The following SYTL2 variants were observed in gnomAD, a reference collection of about 807,000 sequenced individuals.
SYTL2 encodes synaptotagmin-like protein 2.
SYTL2 carries 165 observed loss-of-function variants against 198.7 expected under a neutral mutation model. The ratio of observed to expected loss-of-function variants is 0.83; its 90% CI spans 0.73 to 0.94. SYTL2 has a LOEUF of 0.94. Ranked by LOEUF, SYTL2 falls within the 40% of genes least tolerant of loss-of-function variation. SYTL2 has a pLI of 0.00. For missense variants in SYTL2, 2,835 were observed against 2,582.8 expected (o/e 1.10, Z -2.12); for synonymous variants, 966 against 917.7 (o/e 1.05, Z -0.95).
chr11:85,695,398 A>G, intron 19 of SYTL2, 58 bp from the exon 20 acceptor site: 2 of 1,422,716 alleles, frequency 1.4e-6, no homozygotes, highest in Non-Finnish European at 1.9e-6. Flanking sequence ...TAGGGGAAAG[A>G]GGGAAAGTTA....
the SYTL2 span, among the ~76,000 whole-genome samples, chr11:85,839,340 T>C: frequency 6.6e-6 from 1 of 152,196 alleles, no homozygotes; most frequent in Non-Finnish European, 1.5e-5. Context: ...ATTCACCCTT[T>C]CGTAACAGAT....
At chr11:85,758,968 G>A (rs919634297) in intron 1 of SYTL2, among the ~76,000 whole-genome samples, 1 of 152,132 alleles carries the variant, frequency 6.6e-6, no homozygotes, top group Non-Finnish European at 1.5e-5. Flanking sequence ...AAGCAGGCTG[G>A]GTGCAGTGGT....
In SYTL2 at chr11:85,726,250, T is replaced by C; in HGVS notation, c.3108A>G (p.Ala1036=). Residue 1036 remains alanine (A), a synonymous_variant, in exon 8 of 20, where the codon GCA becomes GCG. Coordinates refer to ENST00000359152, the MANE Select transcript of SYTL2 (RefSeq NM_206927.4). The stretch of plus-strand genomic sequence containing the variant: ...CTTTTTTTGGGCTTAGAAGCACCTC[T>C]GCTTCATGGGTATTTTTACCTGATA... ...IKLSGKNTHE[A]EVLLSPKKVM... 1 of 1,613,828 alleles carries C rather than the reference T, an allele frequency of 6.2e-7. No individual in the cohort carries two copies. Among genetic ancestry groups the C allele is most frequent in the Non-Finnish European group, 8.5e-7 (1 of 1,179,944 alleles).
At chr11:85,788,260 TTA>T (rs2092669351) in intron 1 of SYTL2, among the ~76,000 whole-genome samples, 1 of 152,202 alleles carries the variant, frequency 6.6e-6, no homozygotes, top group Non-Finnish European at 1.5e-5. Flanking sequence ...GTGACATTTT[TTA>T]TTAGTTACTA....
In SYTL2 at chr11:85,727,117, T is replaced by C; in HGVS notation, c.2241A>G (p.Leu747=). Residue 747 remains leucine, a synonymous_variant, in exon 8 of 20, where the codon TTA becomes TTG. Transcript: ENST00000359152. ...VGNTYILKAS[L]EPENIKSTPG... ...GTGTTGACTTAATATTCTCTGGCTC[T>C]AAGGAGGCTTTCAGGATATAGGTAT... 11 of 1,535,974 alleles carry C rather than the reference T, an allele frequency of 7.2e-6. No individual in the cohort carries two copies. Among genetic ancestry groups the C allele is most frequent in the Non-Finnish European group, 7.0e-6 (8 of 1,146,802 alleles).
the SYTL2 span, among the ~76,000 whole-genome samples, chr11:85,821,380 G>A: frequency 6.6e-6 from 1 of 152,070 alleles, no homozygotes; most frequent in Non-Finnish European, 1.5e-5. Flanking sequence ...GGTGAGACTT[G>A]AGCCACGTTA....
intron 1 of SYTL2, among the ~76,000 whole-genome samples, chr11:85,797,191 A>G (rs945387291): frequency 2.0e-5 from 3 of 152,236 alleles, no homozygotes; most frequent in East Asian, 1.9e-4. Context: ...CAAGCTATTC[A>G]GTTCTTCTGA....
the SYTL2 span, among the ~76,000 whole-genome samples, chr11:85,819,935 C>G: frequency 2.6e-5 from 4 of 152,200 alleles, no homozygotes; most frequent in Non-Finnish European, 2.9e-5. Flanking sequence ...TCTTATTCCT[C>G]TCTCTCAATG....
At chr11:85,824,809 G>A in the SYTL2 span, among the ~76,000 whole-genome samples, 2 of 152,196 alleles carry the variant, frequency 1.3e-5, no homozygotes, top group African/African-American at 4.8e-5. Context: ...TGACCACAGA[G>A]GAGAGCTGCT....
At position 85,724,220 on chromosome 11, in the gene SYTL2, G is replaced by A. The variant is rs371373811; in HGVS notation, c.5138C>T (p.Ser1713Phe). 13 of 1,583,768 alleles carry A rather than the reference G, an allele frequency of 8.2e-6. No homozygotes were observed. Among genetic ancestry groups the A allele is most frequent in the Non-Finnish European group, 1.1e-5 (13 of 1,170,840 alleles). Residue 1713 changes from serine (S) to phenylalanine (F), a missense_variant, in exon 8 of 20, where the codon TCC (serine) becomes TTC (phenylalanine). Ser to Phe is a radical substitution (Grantham distance 155, BLOSUM62 -2). Transcript: ENST00000359152. Reference sequence around the variant, plus strand: ...GAGAGGAATGGGTTGCCTATTTCTGGACACACTAATTGCTTCAGAAGCCTC... The same window carrying A: ...GAGAGGAATGGGTTGCCTATTTCTGAACACACTAATTGCTTCAGAAGCCTC... ...FGEASEAISV[S>F]RNRQPIPLLM... is the part of the protein sequence containing the mutation.
chr11:85,700,798 T>C (rs2084176672), intron 16 of SYTL2, among the ~76,000 whole-genome samples: 1 of 152,236 alleles, frequency 6.6e-6, no homozygotes, highest in African/African-American at 2.4e-5. Flanking sequence ...TGAAAAATCT[T>C]GCAGGATACC....
chr11:85,749,693 C>T (rs887013689), intron 2 of SYTL2, among the ~76,000 whole-genome samples: 2 of 152,168 alleles, frequency 1.3e-5, no homozygotes, highest in African/African-American at 4.8e-5. Flanking sequence ...GCAACGATAT[C>T]ATGGTTTTTA....
intron 7 of SYTL2, among the ~76,000 whole-genome samples, chr11:85,729,537 AC>A (rs2153475234): frequency 6.6e-6 from 1 of 152,364 alleles, no homozygotes; most frequent in Admixed American, 6.5e-5. Context: ...GTTCTTTGAA[AC>A]CAATGAGAAT....
At chr11:85,698,947 C>T (rs1360160709) in intron 17 of SYTL2, among the ~76,000 whole-genome samples, 1 of 152,186 alleles carries the variant, frequency 6.6e-6, no homozygotes, top group African/African-American at 2.4e-5. Flanking sequence ...GTTGTCTAGG[C>T]TGGGTTCATA....
At chr11:85,719,008 C>T in intron 9 of SYTL2, 165 bp from the exon 10 acceptor site, 1 of 1,528,536 alleles carries the variant, frequency 6.5e-7, no homozygotes, top group Non-Finnish European at 8.8e-7. Context: ...TAGATTAGCT[C>T]CTTGAGCCAG....
intron 1 of SYTL2, among the ~76,000 whole-genome samples, chr11:85,783,319 T>C (rs187414534): frequency 6.6e-6 from 1 of 152,190 alleles, no homozygotes; most frequent in Admixed American, 6.5e-5. Context: ...TCACTATCAC[T>C]AGAATAGCAG....
At chr11:85,716,710 A>ACG (rs1312910147) in intron 11 of SYTL2, 1 of 152,194 alleles carries the variant, frequency 6.6e-6, no homozygotes, top group Non-Finnish European at 1.5e-5. Flanking sequence ...ACACACACAC[A>ACG]CACACACACA....
At chr11:85,833,012 A>C in the SYTL2 span, among the ~76,000 whole-genome samples, 1 of 17,472 alleles carries the variant, frequency 5.7e-5, no homozygotes, top group Admixed American at 6.4e-4. Flanking sequence ...AAAAGAAAGA[A>C]AAGAAAGAAA....
intron 1 of SYTL2, among the ~76,000 whole-genome samples, chr11:85,784,449 A>T (rs527975232): frequency 6.6e-6 from 1 of 152,336 alleles, no homozygotes; most frequent in South Asian, 2.1e-4. Context: ...GAAGAAAAAA[A>T]ATCCCATCTA....
Sources: allele counts gnomAD v4.1 joint callset (sites outside exome capture counted in the v4.1 genomes callset), GRCh38; gene constraint gnomAD v4.1.1; transcripts MANE v1.5; gene names NCBI Gene and HGNC (gene_info 2026-07-23, HGNC 2026-07-21).